The following KCTD8 variants were observed in gnomAD, a reference collection of about 807,000 sequenced individuals.
KCTD8 encodes BTB/POZ domain-containing protein KCTD8.
Under a neutral mutation model 31.5 loss-of-function variants are expected in KCTD8, and 27 were observed. The ratio of observed to expected loss-of-function variants is 0.86; its 90% CI spans 0.63 to 1.18. The LOEUF (loss-of-function observed/expected upper bound fraction) is 1.18. KCTD8 is among the 50% of genes most tolerant of loss of function. The pLI, the probability that KCTD8 is intolerant of heterozygous loss-of-function variation, is 0.00. For missense variants in KCTD8, 658 were observed against 647.7 expected, an observed-to-expected ratio of 1.02 and a Z score of -0.17; for synonymous variants, 290 against 280.0, an observed-to-expected ratio of 1.04 and a Z score of -0.36.
At chr4:44,367,550 G>A (rs541065020) in intron 1 of KCTD8, among the ~76,000 whole-genome samples, 82 of 152,082 alleles carry the variant, frequency 5.4e-4, no homozygotes, top group Non-Finnish European at 1.0e-3. Flanking sequence ...AAAAATTAGA[G>A]TAAAAGGTAT....
intron 1 of KCTD8, among the ~76,000 whole-genome samples, chr4:44,307,523 TTATAAA>T (rs1477815498): frequency 6.6e-6 from 1 of 152,002 alleles, no homozygotes; most frequent in Non-Finnish European, 1.5e-5. Flanking sequence ...TTTTATCAAA[TTATAAA>T]TATATTTACT....
chr4:44,227,115 A>G (rs888633769), intron 1 of KCTD8, among the ~76,000 whole-genome samples: 2 of 152,166 alleles, frequency 1.3e-5, no homozygotes, highest in African/African-American at 2.4e-5. Flanking sequence ...GTCCTTGCCC[A>G]TGCCTATGTG....
chr4:44,248,959 C>T (rs1004312920), intron 1 of KCTD8, among the ~76,000 whole-genome samples: 2 of 151,770 alleles, frequency 1.3e-5, no homozygotes, highest in Non-Finnish European at 2.9e-5. Context: ...GCCTATCTTC[C>T]TAATTCACTA....
intron 1 of KCTD8, among the ~76,000 whole-genome samples, chr4:44,306,808 A>G (rs1041858458): frequency 1.3e-5 from 2 of 152,052 alleles, no homozygotes; most frequent in African/African-American, 4.8e-5. Context: ...CTATTAGTAA[A>G]GAACACAGAT....
At chr4:44,314,878 GA>G (rs142498634) in intron 1 of KCTD8, among the ~76,000 whole-genome samples, 34 of 131,962 alleles carry the variant, frequency 2.6e-4, no homozygotes, top group South Asian at 1.5e-3. Context: ...AAGACATTGT[GA>G]AAAAAAAAAC....
intron 1 of KCTD8, among the ~76,000 whole-genome samples, chr4:44,434,659 A>C (rs1721598776): frequency 6.6e-6 from 1 of 151,972 alleles, no homozygotes; most frequent in African/African-American, 2.4e-5. Context: ...ACAAAAAAAG[A>C]AAGCACTGTC....
intron 1 of KCTD8, among the ~76,000 whole-genome samples, chr4:44,210,401 C>T (rs980074668): frequency 1.3e-5 from 2 of 152,094 alleles, no homozygotes; most frequent in Non-Finnish European, 2.9e-5. Context: ...CTGGACAATG[C>T]TTTTATAAAA....
intron 1 of KCTD8, among the ~76,000 whole-genome samples, chr4:44,175,787 G>T (rs547154294): frequency 3.3e-5 from 5 of 152,098 alleles, no homozygotes; most frequent in Non-Finnish European, 5.9e-5. Context: ...AGGGGAGGCT[G>T]GTTTAAATCT....
chr4:44,242,897 CTCCCTGAGACTG>C (rs1222263692), intron 1 of KCTD8, among the ~76,000 whole-genome samples: 1 of 152,110 alleles, frequency 6.6e-6, no homozygotes, highest in Non-Finnish European at 1.5e-5. Context: ...TGAGTAAAAG[CTCCCTGAGACTG>C]TCCCAGAAGC....
intron 1 of KCTD8, among the ~76,000 whole-genome samples, chr4:44,345,120 T>G (rs563657084): frequency 3.8e-4 from 58 of 152,174 alleles, no homozygotes; most frequent in Non-Finnish European, 6.9e-4. Flanking sequence ...TAGGTATTTC[T>G]AGGACTTATT....
At chr4:44,181,508 G>A (rs1357661953) in intron 1 of KCTD8, among the ~76,000 whole-genome samples, 9 of 152,278 alleles carry the variant, frequency 5.9e-5, no homozygotes, top group African/African-American at 1.9e-4. Context: ...TCGGCCCCCC[G>A]AGGCGCCGGG....
chr4:44,327,461 T>A (rs969027682), intron 1 of KCTD8, among the ~76,000 whole-genome samples: 1 of 151,890 alleles, frequency 6.6e-6, no homozygotes, highest in Non-Finnish European at 1.5e-5. Flanking sequence ...TAATAAAGAA[T>A]GTTTGTATAA....
At chr4:44,264,645 T>A (rs1716282787) in intron 1 of KCTD8, among the ~76,000 whole-genome samples, 1 of 151,884 alleles carries the variant, frequency 6.6e-6, no homozygotes, top group Non-Finnish European at 1.5e-5. Context: ...AGGAAAGGGG[T>A]GACAGAGGGC....
At chr4:44,286,557 A>G (rs539818414) in intron 1 of KCTD8, among the ~76,000 whole-genome samples, 1 of 152,256 alleles carries the variant, frequency 6.6e-6, no homozygotes, top group South Asian at 2.1e-4. Context: ...CCTAACAGAT[A>G]AGAAAGCCCA....
chr4:44,400,458 C>T (rs550477719), intron 1 of KCTD8, among the ~76,000 whole-genome samples: 2 of 151,942 alleles, frequency 1.3e-5, no homozygotes, highest in South Asian at 2.1e-4. Flanking sequence ...CAGCCAGGCA[C>T]GATGGCTCAC....
chr4:44,426,797 T>C (rs1298170369), intron 1 of KCTD8, among the ~76,000 whole-genome samples: 2 of 151,684 alleles, frequency 1.3e-5, no homozygotes, highest in East Asian at 3.9e-4. Flanking sequence ...ACCTTTTAAG[T>C]AAAAACAGAG....
chr4:44,279,761 T>C (rs1443142437), intron 1 of KCTD8, among the ~76,000 whole-genome samples: 1 of 152,036 alleles, frequency 6.6e-6, no homozygotes. Context: ...TTTGAACACA[T>C]ACTAAATAAT....
At chr4:44,257,259 C>T (rs370095092) in intron 1 of KCTD8, among the ~76,000 whole-genome samples, 112 of 151,602 alleles carry the variant, frequency 7.4e-4, no homozygotes, top group African/African-American at 2.5e-3. Flanking sequence ...AAAATGTGAC[C>T]CTGAATGTAT....
intron 1 of KCTD8, among the ~76,000 whole-genome samples, chr4:44,336,850 A>C (rs1718761918): frequency 6.6e-6 from 1 of 152,116 alleles, no homozygotes; most frequent in Non-Finnish European, 1.5e-5. Context: ...AAAAAGAATA[A>C]AATTATATCT....
Sources: gnomAD v4.1 joint callset for allele counts (sites outside exome capture counted in the v4.1 genomes callset) on GRCh38, gnomAD v4.1.1 for gene constraint, MANE v1.5 for transcripts, NCBI Gene and HGNC (gene_info 2026-07-23, HGNC 2026-07-21) for gene names.